The following VTI1A variants were observed in gnomAD, a reference collection of about 807,000 sequenced individuals.
The protein encoded by VTI1A is vesicle transport through interaction with t-SNAREs homolog 1A.
VTI1A carries 22 observed loss-of-function variants against 34.9 expected under a neutral mutation model. That is an observed-to-expected ratio of 0.63 (90% confidence interval 0.45 to 0.90). VTI1A has a LOEUF of 0.90. Ranked by LOEUF, VTI1A falls within the 40% of genes least tolerant of loss-of-function variation. The probability of loss-of-function intolerance (pLI) is 0.00; values close to 1 mark genes in which losing one functional copy is unlikely to be tolerated. For missense variants in VTI1A, 268 were observed against 275.6 expected (o/e 0.97, Z 0.20); for synonymous variants, 87 against 97.3 (o/e 0.89, Z 0.62).
chr10:112,675,460 A>G (rs1463976367), intron 7 of VTI1A, among the ~76,000 whole-genome samples: 1 of 152,186 alleles, frequency 6.6e-6, no homozygotes, highest in East Asian at 1.9e-4. Context: ...GCAATGAACA[A>G]ACCCTACCAG....
In VTI1A at chr10:112,799,273, T is replaced by G. The variant is rs114321403; in HGVS notation, c.561-16017T>G. ...CTCCCTCTTCCTTTTAATTTCTTCC[T>G]TAGTAACTAGTCAGAGGTCGCAGAC... On this transcript the variant is annotated intron_variant, in intron 7 of 7. Transcript: ENST00000393077. Among the ~76,000 whole-genome samples the G allele has an allele frequency of 9.0e-3, 1,367 of 152,294 alleles. 18 individuals carry two copies. The highest frequency in any genetic ancestry group is 0.031 in the African/African-American group (1,275 of 41,558).
intron 5 of VTI1A, among the ~76,000 whole-genome samples, chr10:112,609,699 G>T (rs1845218382): frequency 6.6e-6 from 1 of 152,060 alleles, no homozygotes; most frequent in South Asian, 2.1e-4. Context: ...CATTTATCCA[G>T]TATGCATCCC....
chr10:112,760,980 GA>G (rs1241716674), intron 7 of VTI1A, among the ~76,000 whole-genome samples: 1 of 151,522 alleles, frequency 6.6e-6, no homozygotes, highest in African/African-American at 2.4e-5. Context: ...TAAGAATGCA[GA>G]AATCGGACAT....
the VTI1A span, among the ~76,000 whole-genome samples, chr10:112,842,099 G>T: frequency 9.1e-6 from 1 of 109,306 alleles, no homozygotes; most frequent in Admixed American, 1.5e-4. Context: ...GTCTCACCCT[G>T]TCTCCCAGGC....
intron 7 of VTI1A, among the ~76,000 whole-genome samples, chr10:112,702,615 C>G (rs954901294): frequency 2.6e-5 from 4 of 152,188 alleles, no homozygotes; most frequent in Non-Finnish European, 4.4e-5. Flanking sequence ...GAGCCAGAGT[C>G]TCACTCTGTC....
At position 112,596,056 on chromosome 10, in the gene VTI1A, G is replaced by A. The variant is rs11817618; in HGVS notation, c.427+57726G>A. On this transcript the variant is annotated intron_variant, in intron 5 of 7. Transcript: ENST00000393077. ...AAATCATCATTCTCAGTAAACTATCGCAAGGACAAAAAACCAAACACTGCA... is the reference window on the plus strand; with the variant it reads ...AAATCATCATTCTCAGTAAACTATCACAAGGACAAAAAACCAAACACTGCA... 7.9e-3 allele frequency among the ~76,000 whole-genome samples: 1,202 copies of A among 151,266 alleles called. 19 individuals carry two copies. Among genetic ancestry groups the A allele is most frequent in the African/African-American group, 0.028 (1,135 of 41,062 alleles).
intron 5 of VTI1A, among the ~76,000 whole-genome samples, chr10:112,664,763 T>A (rs746207367): frequency 6.6e-6 from 1 of 152,192 alleles, no homozygotes; most frequent in African/African-American, 2.4e-5. Flanking sequence ...ATTCATTTTA[T>A]GTGTTTGAGA....
At chr10:112,500,488 A>G (rs867722341) in intron 3 of VTI1A, among the ~76,000 whole-genome samples, 71 of 152,326 alleles carry the variant, frequency 4.7e-4, no homozygotes, top group African/African-American at 1.5e-3. Flanking sequence ...TGCCAACATT[A>G]AAATATTGAG....
chr10:112,825,798 G>A, the VTI1A span: 4 of 152,184 alleles, frequency 2.6e-5, no homozygotes, highest in African/African-American at 4.8e-5. Context: ...TGTCTCTTCC[G>A]GCCAGGTCAA....
At chr10:112,634,757 T>C (rs1846279514) in intron 5 of VTI1A, among the ~76,000 whole-genome samples, 1 of 152,224 alleles carries the variant, frequency 6.6e-6, no homozygotes, top group African/African-American at 2.4e-5. Flanking sequence ...TTCTTTTCTT[T>C]ATTGTAAACT....
chr10:112,841,932 G>GGCCGGT, the VTI1A span, among the ~76,000 whole-genome samples: 7 of 152,032 alleles, frequency 4.6e-5, no homozygotes, highest in East Asian at 1.3e-3. Flanking sequence ...ACAAGCCCAA[G>GGCCGGT]GCCGGTGGAG....
chr10:112,827,954 G>A, the VTI1A span, among the ~76,000 whole-genome samples: 1 of 152,140 alleles, frequency 6.6e-6, no homozygotes, highest in African/African-American at 2.4e-5. Context: ...TGGCATTACA[G>A]AGCAATCACA....
At chr10:112,683,353 T>C (rs997159926) in intron 7 of VTI1A, among the ~76,000 whole-genome samples, 6 of 152,166 alleles carry the variant, frequency 3.9e-5, no homozygotes, top group Non-Finnish European at 8.8e-5. Context: ...GGTAGGAACA[T>C]GAAAGTGAAC....
the VTI1A span, among the ~76,000 whole-genome samples, chr10:112,836,143 C>T: frequency 6.6e-6 from 1 of 152,170 alleles, no homozygotes; most frequent in African/African-American, 2.4e-5. Flanking sequence ...TTCCAACAGC[C>T]GAGGCGGCAG....
chr10:112,573,469 TG>T (rs1852215950), intron 5 of VTI1A, among the ~76,000 whole-genome samples: 1 of 152,178 alleles, frequency 6.6e-6, no homozygotes, highest in South Asian at 2.1e-4. Context: ...AAAATGACAA[TG>T]GTATTTGCAT....
chr10:112,448,057 GT>G (rs1245791661), intron 1 of VTI1A, among the ~76,000 whole-genome samples: 1 of 152,138 alleles, frequency 6.6e-6, no homozygotes, highest in Non-Finnish European at 1.5e-5. Flanking sequence ...TAAAATAAAA[GT>G]TGTGCCTCTT....
the VTI1A span, among the ~76,000 whole-genome samples, chr10:112,846,593 C>T: frequency 1.3e-5 from 2 of 151,948 alleles, no homozygotes. Flanking sequence ...GGTGAAACCC[C>T]GTCTCTACTA....
chr10:112,579,364 T>C (rs559219247), intron 5 of VTI1A, among the ~76,000 whole-genome samples: 1 of 152,296 alleles, frequency 6.6e-6, no homozygotes, highest in East Asian at 1.9e-4. Context: ...GAAAATATAG[T>C]GTCATAATTT....
At chr10:112,701,345 G>A (rs577158476) in intron 7 of VTI1A, among the ~76,000 whole-genome samples, 7 of 152,288 alleles carry the variant, frequency 4.6e-5, no homozygotes, top group Non-Finnish European at 1.0e-4. Context: ...AGGAATTAGC[G>A]ATTACTTCGA....
Sources: allele counts gnomAD v4.1 joint callset (sites outside exome capture counted in the v4.1 genomes callset), GRCh38; gene constraint gnomAD v4.1.1; transcripts MANE v1.5; gene names NCBI Gene and HGNC (gene_info 2026-07-23, HGNC 2026-07-21).